MICU3: variants seen among roughly 807,000 people sequenced by gnomAD.
MICU3 encodes calcium uptake protein 3, mitochondrial.
MICU3 carries 62 observed loss-of-function variants against 66.5 expected under a neutral mutation model. The observed-to-expected ratio is 0.93, with a 90% confidence interval of 0.76 to 1.15. The LOEUF (loss-of-function observed/expected upper bound fraction) is 1.15. Among genes scored for constraint, MICU3 ranks in the 50% most tolerant of loss-of-function variants. The probability of loss-of-function intolerance (pLI) is 0.00; values close to 1 mark genes in which losing one functional copy is unlikely to be tolerated. For synonymous variants in MICU3, 308 were observed against 240.7 expected, an observed-to-expected ratio of 1.28 and a Z score of -2.59; for missense variants, 779 against 664.4, an observed-to-expected ratio of 1.17 and a Z score of -1.90.
At chr8:17,135,752 GAAGA>G in the MICU3 span, among the ~76,000 whole-genome samples, 1 of 152,032 alleles carries the variant, frequency 6.6e-6, no homozygotes, top group South Asian at 2.1e-4. Flanking sequence ...CTGTTGATCA[GAAGA>G]AAGTATCCTT....
At chr8:17,073,959 A>G (rs1418976139) in intron 3 of MICU3, among the ~76,000 whole-genome samples, 1 of 152,210 alleles carries the variant, frequency 6.6e-6, no homozygotes. Context: ...AGGTCCATGA[A>G]GTCAAAACTA....
intron 1 of MICU3, among the ~76,000 whole-genome samples, chr8:17,050,872 A>T (rs1815957558): frequency 6.6e-6 from 1 of 152,064 alleles, no homozygotes; most frequent in Non-Finnish European, 1.5e-5. Context: ...GTTTAAACCT[A>T]TCCTATTTAT....
At chr8:17,088,662 G>C (rs149291827) in intron 7 of MICU3, among the ~76,000 whole-genome samples, 8 of 151,862 alleles carry the variant, frequency 5.3e-5, no homozygotes, top group African/African-American at 1.9e-4. Context: ...TACTTCCAGA[G>C]AGGACTTACA....
the MICU3 span, among the ~76,000 whole-genome samples, chr8:17,129,376 T>C: frequency 6.6e-6 from 1 of 152,170 alleles, no homozygotes; most frequent in African/African-American, 2.4e-5. Context: ...TTAAGAACTA[T>C]TATAAACATG....
chr8:17,058,100 T>A (rs1023534531), intron 1 of MICU3, among the ~76,000 whole-genome samples: 28 of 152,150 alleles, frequency 1.8e-4, no homozygotes, highest in Admixed American at 1.2e-3. Flanking sequence ...TCCACCCGCC[T>A]CGGCCTCCAA....
rs1002093176 is a variant in MICU3 at position 17,077,728 on chromosome 8, C to G, written c.568-55C>G. On this transcript the variant is annotated intron_variant, in intron 3 of 14. Transcript: ENST00000318063. Reference sequence around the variant, plus strand: ...ATGGACATTTAAACATGTTTTTGATCTATTTTATTAGTAAGTTGTTTACCA... The same window carrying G: ...ATGGACATTTAAACATGTTTTTGATGTATTTTATTAGTAAGTTGTTTACCA... 11 of 1,217,378 alleles carry G rather than the reference C, an allele frequency of 9.0e-6. No homozygotes were observed. In the Admixed American group the frequency reaches 1.8e-4, roughly 20 times the overall value. The allele number at this position is 1,217,378 out of a possible 1,614,324, so 75.4% of individuals were successfully genotyped here.
intron 1 of MICU3, among the ~76,000 whole-genome samples, chr8:17,058,040 G>A (rs141758294): frequency 4.5e-3 from 678 of 152,176 alleles, no homozygotes; most frequent in Non-Finnish European, 7.3e-3. Flanking sequence ...AGCAGAGATG[G>A]GGTTTCACCA....
At chr8:17,044,861 C>T (rs926817790) in intron 1 of MICU3, among the ~76,000 whole-genome samples, 1 of 152,188 alleles carries the variant, frequency 6.6e-6, no homozygotes, top group Non-Finnish European at 1.5e-5. Flanking sequence ...CATGATGCTG[C>T]CATTCCTTAC....
intron 8 of MICU3, among the ~76,000 whole-genome samples, chr8:17,094,526 C>T (rs1361504027): frequency 6.6e-6 from 1 of 152,000 alleles, no homozygotes; most frequent in East Asian, 1.9e-4. Context: ...GTCTAGCTTA[C>T]TAGAAGACAG....
chr8:17,044,094 A>C (rs1350202765), intron 1 of MICU3, among the ~76,000 whole-genome samples: 1 of 152,186 alleles, frequency 6.6e-6, no homozygotes, highest in Non-Finnish European at 1.5e-5. Flanking sequence ...GGAGAGCAAC[A>C]ATTTGTGTCT....
Position 17,064,260 on chromosome 8 carries a change from C to G in MICU3, c.535+23C>G, listed in dbSNP as rs372765218. The G allele has an allele frequency of 7.0e-6, 11 of 1,572,178 alleles. No homozygotes were observed. The African/African-American group carries it at 1.2e-4, about 18-fold the overall frequency. ...AAGGTAAGTACACTTTTGAAATTAT[C>G]TTAATAATTGTATAATTTTTTTATC... On this transcript the variant is annotated intron_variant, in intron 2 of 14. Coordinates refer to ENST00000318063, the MANE Select transcript of MICU3 (RefSeq NM_181723.3).
Position 17,080,273 on chromosome 8 carries a change from T to A in MICU3, c.647-1420T>A, listed in dbSNP as rs191994871. Reference sequence around the variant, plus strand: ...TCACTTCATTTTTCTTCCCTGTGGTTTAAGCCACTTCAATCACCATGTGAT... The same window carrying A: ...TCACTTCATTTTTCTTCCCTGTGGTATAAGCCACTTCAATCACCATGTGAT... On this transcript the variant is annotated intron_variant, in intron 4 of 14. Transcript: ENST00000318063. 8.5e-5 allele frequency among the ~76,000 whole-genome samples: 13 copies of A among 152,244 alleles called. No homozygotes were observed. The East Asian group carries it at 2.5e-3, about 29-fold the overall frequency.
intron 8 of MICU3, among the ~76,000 whole-genome samples, chr8:17,097,771 TC>T (rs1328668959): frequency 6.6e-6 from 1 of 151,628 alleles, no homozygotes; most frequent in Non-Finnish European, 1.5e-5. Context: ...TTTGACATCT[TC>T]CTAGAGTGAT....
intron 1 of MICU3, among the ~76,000 whole-genome samples, chr8:17,038,056 A>C (rs1813353811): frequency 6.6e-6 from 1 of 152,218 alleles, no homozygotes; most frequent in East Asian, 1.9e-4. Context: ...ATAGGCAGAA[A>C]GGACTTGCCT....
chr8:17,090,221 A>G (rs550748433), intron 7 of MICU3, among the ~76,000 whole-genome samples: 4 of 152,222 alleles, frequency 2.6e-5, no homozygotes, highest in East Asian at 3.9e-4. Context: ...GCCATGTAGC[A>G]TTGCGGAAGC....
intron 13 of MICU3, among the ~76,000 whole-genome samples, chr8:17,118,462 TACTA>T (rs534058142): frequency 1.2e-4 from 19 of 152,314 alleles, no homozygotes; most frequent in African/African-American, 4.6e-4. Context: ...AATACATGAT[TACTA>T]ACTATGGTCA....
downstream of MICU3, among the ~76,000 whole-genome samples, chr8:17,126,294 T>C (rs1803404765): frequency 6.6e-6 from 1 of 152,180 alleles, no homozygotes; most frequent in Admixed American, 6.5e-5. Flanking sequence ...ATTTAAGTTC[T>C]CTATGGTCTA....
chr8:17,126,297 A>G (rs906334478), downstream of MICU3, among the ~76,000 whole-genome samples: 2 of 152,068 alleles, frequency 1.3e-5, no homozygotes, highest in Non-Finnish European at 2.9e-5. Flanking sequence ...TAAGTTCTCT[A>G]TGGTCTATGA....
chr8:17,087,865 T>A (rs138528607), intron 7 of MICU3, among the ~76,000 whole-genome samples: 1 of 152,066 alleles, frequency 6.6e-6, no homozygotes, highest in Non-Finnish European at 1.5e-5. Flanking sequence ...GATACTTAGA[T>A]AACCAGAAAT....
Sources: allele counts gnomAD v4.1 joint callset (sites outside exome capture counted in the v4.1 genomes callset), GRCh38; gene constraint gnomAD v4.1.1; transcripts MANE v1.5; gene names NCBI Gene and HGNC (gene_info 2026-07-23, HGNC 2026-07-21).